Variants in TRPM3 observed in about 807,000 individuals in gnomAD.
TRPM3 encodes the protein transient receptor potential cation channel subfamily M member 3, also known as long transient receptor potential channel 3.
A neutral mutation model predicts 181.2 loss-of-function variants in TRPM3; 77 were observed. The observed-to-expected ratio is 0.42, with a 90% confidence interval of 0.35 to 0.51. The LOEUF is 0.51. Ranked by LOEUF, TRPM3 falls within the 20% of genes least tolerant of loss-of-function variation. TRPM3 has a pLI of 0.01. For missense variants in TRPM3, 1,759 were observed against 2,196.7 expected, an observed-to-expected ratio of 0.80 and a Z score of 3.98; for synonymous variants, 745 against 796.4, an observed-to-expected ratio of 0.94 and a Z score of 1.09.
chr9:70,653,773 C>T (rs527740349), intron 9 of TRPM3, among the ~76,000 whole-genome samples: 1 of 150,828 alleles, frequency 6.6e-6, no homozygotes, highest in South Asian at 2.1e-4. Flanking sequence ...ATCTGCTTTA[C>T]TAAAAAATCT....
At chr9:70,682,239 C>T (rs1348397314) in intron 8 of TRPM3, among the ~76,000 whole-genome samples, 1 of 152,004 alleles carries the variant, frequency 6.6e-6, no homozygotes, top group Non-Finnish European at 1.5e-5. Flanking sequence ...AAATATGTTA[C>T]CTTCCATTCT....
intron 1 of TRPM3, among the ~76,000 whole-genome samples, chr9:71,200,349 G>A (rs1306540290): frequency 1.3e-5 from 2 of 151,630 alleles, no homozygotes; most frequent in East Asian, 1.9e-4. Context: ...TGTATATTCT[G>A]TTGATTTGGG....
chr9:71,166,960 T>A (rs2076569783), intron 1 of TRPM3, among the ~76,000 whole-genome samples: 1 of 152,172 alleles, frequency 6.6e-6, no homozygotes. Context: ...CCAGGTACTG[T>A]CAACACCATT....
rs925669170 is a variant in TRPM3, at chr9:70,534,129, C to A, written c.*1824G>T. 1 of 152,178 alleles carries A rather than the reference C, an allele frequency of 6.6e-6. No homozygotes were observed. The highest frequency in any genetic ancestry group is 1.5e-5 in the Non-Finnish European group (1 of 68,040). The allele number at this position is 152,178 out of a possible 1,614,324, so 9.4% of individuals were successfully genotyped here. ...CTTTATCCCACTTCCAATCCAGATTCTGATCTAGAAGATTATGCCTCTACT... is the reference window on the plus strand; with the variant it reads ...CTTTATCCCACTTCCAATCCAGATTATGATCTAGAAGATTATGCCTCTACT... On this transcript the variant is annotated 3_prime_UTR_variant, in exon 26 of 26. Coordinates refer to ENST00000677713, the MANE Select transcript of TRPM3 (RefSeq NM_001366145.2).
At chr9:71,218,207 A>G (rs2080015110) in intron 1 of TRPM3, among the ~76,000 whole-genome samples, 1 of 152,200 alleles carries the variant, frequency 6.6e-6, no homozygotes, top group South Asian at 2.1e-4. Flanking sequence ...AATTTTGGGA[A>G]GTGAAGCAGG....
chr9:70,809,909 T>G, intron 6 of TRPM3: 1 of 528,802 alleles, frequency 1.9e-6, no homozygotes, highest in Non-Finnish European at 3.9e-6. Context: ...ATGGGCCCAA[T>G]GATGGAAAAT....
intron 9 of TRPM3, among the ~76,000 whole-genome samples, chr9:70,660,647 C>G (rs2060995940): frequency 6.6e-6 from 1 of 151,984 alleles, no homozygotes; most frequent in African/African-American, 2.4e-5. Context: ...TTCATGAAGG[C>G]TACTATGAAC....
chr9:71,388,430 T>G (rs1354312720), intron 1 of TRPM3, among the ~76,000 whole-genome samples: 1 of 152,134 alleles, frequency 6.6e-6, no homozygotes, highest in Non-Finnish European at 1.5e-5. Flanking sequence ...CCCACAAAAC[T>G]TCTGAGACGG....
At chr9:70,667,684 T>C (rs542947588) in intron 9 of TRPM3, among the ~76,000 whole-genome samples, 7 of 152,226 alleles carry the variant, frequency 4.6e-5, no homozygotes, top group Non-Finnish European at 1.0e-4. Flanking sequence ...TCTCCCTTTT[T>C]GTTTCTGGAT....
chr9:71,242,239 T>C (rs1004642094), intron 1 of TRPM3, among the ~76,000 whole-genome samples: 2 of 152,118 alleles, frequency 1.3e-5, no homozygotes, highest in Non-Finnish European at 2.9e-5. Flanking sequence ...ACCTCCAGCT[T>C]AGGTCACTAA....
chr9:70,572,730 T>C (rs886471848), intron 22 of TRPM3, among the ~76,000 whole-genome samples: 2 of 152,206 alleles, frequency 1.3e-5, no homozygotes, highest in African/African-American at 4.8e-5. Context: ...GAGTAAACAA[T>C]ACTAAGATGA....
chr9:71,314,071 C>G (rs2088290756), intron 1 of TRPM3, among the ~76,000 whole-genome samples: 1 of 152,050 alleles, frequency 6.6e-6, no homozygotes, highest in Non-Finnish European at 1.5e-5. Flanking sequence ...ACAATAGAGT[C>G]AATAATTTAT....
At chr9:70,815,439 C>T (rs938812112) in intron 6 of TRPM3, among the ~76,000 whole-genome samples, 12 of 152,124 alleles carry the variant, frequency 7.9e-5, no homozygotes, top group African/African-American at 2.9e-4. Context: ...AAATTGTCTT[C>T]CAAATAAGAC....
chr9:70,610,435 G>C (rs1255754348), intron 19 of TRPM3, among the ~76,000 whole-genome samples, 174 bp downstream of exon 19: 1 of 152,160 alleles, frequency 6.6e-6, no homozygotes, highest in African/African-American at 2.4e-5. Context: ...GCCTGTGAAA[G>C]CTGCCTAACA....
At chr9:70,740,891 G>A (rs940887764) in intron 8 of TRPM3, among the ~76,000 whole-genome samples, 1 of 152,160 alleles carries the variant, frequency 6.6e-6, no homozygotes, top group Non-Finnish European at 1.5e-5. Flanking sequence ...AACCCTTCTA[G>A]ACATTGGCTC....
intron 1 of TRPM3, among the ~76,000 whole-genome samples, chr9:71,048,209 C>A (rs1036207403): frequency 1.3e-5 from 2 of 152,142 alleles, no homozygotes; most frequent in Non-Finnish European, 2.9e-5. Context: ...TTCATCATTC[C>A]ATCCCCTACA....
At chr9:71,197,441 G>A (rs1217629551) in intron 1 of TRPM3, among the ~76,000 whole-genome samples, 3 of 152,080 alleles carry the variant, frequency 2.0e-5, no homozygotes, top group East Asian at 1.9e-4. Context: ...CTGAGGAATC[G>A]CCACACTGAC....
At chr9:71,178,718 A>G (rs1230344623) in intron 1 of TRPM3, among the ~76,000 whole-genome samples, 1 of 152,156 alleles carries the variant, frequency 6.6e-6, no homozygotes, top group East Asian at 1.9e-4. Flanking sequence ...CTGAGAGAAA[A>G]TAGCAATTTT....
At chr9:71,235,099 G>A (rs1318776751) in intron 1 of TRPM3, among the ~76,000 whole-genome samples, 2 of 152,174 alleles carry the variant, frequency 1.3e-5, no homozygotes, top group Non-Finnish European at 2.9e-5. Context: ...CTCCATTCTA[G>A]CCTCTTTGCT....
Sources: allele counts gnomAD v4.1 joint callset (sites outside exome capture counted in the v4.1 genomes callset), GRCh38; gene constraint gnomAD v4.1.1; transcripts MANE v1.5; gene names NCBI Gene and HGNC (gene_info 2026-07-23, HGNC 2026-07-21).